The following DIAPH2 variants were observed in gnomAD, a reference collection of about 807,000 sequenced individuals.
The protein encoded by DIAPH2 is protein diaphanous homolog 2.
Under a neutral mutation model 92.7 loss-of-function variants are expected in DIAPH2, and 35 were observed. The observed-to-expected ratio is 0.38, with a 90% CI of 0.29 to 0.50. The LOEUF is 0.50. Ranked by LOEUF, DIAPH2 falls within the 20% of genes least tolerant of loss-of-function variation. The pLI, the probability that DIAPH2 is intolerant of heterozygous loss-of-function variation, is 0.94. For missense variants in DIAPH2, 701 were observed against 819.5 expected (o/e 0.86, Z 1.77); for synonymous variants, 301 against 280.4 (o/e 1.07, Z -0.73).
intron 26 of DIAPH2, among the ~76,000 whole-genome samples, chrX:97,554,275 G>A (rs147810140): frequency 9.0e-6 from 1 of 111,712 alleles, no homozygotes; most frequent in Non-Finnish European, 1.9e-5. Context: ...GGGAATTTTT[G>A]CATAGAAATC....
intron 17 of DIAPH2, among the ~76,000 whole-genome samples, chrX:97,069,556 C>T (rs1266550720): frequency 9.0e-6 from 1 of 111,209 alleles, no homozygotes; most frequent in South Asian, 3.8e-4. Flanking sequence ...TATGACCATG[C>T]AGTATGAGTA....
chrX:97,597,800 A>G (rs1028926421), intron 26 of DIAPH2, among the ~76,000 whole-genome samples: 3 of 112,068 alleles, frequency 2.7e-5, no homozygotes, highest in East Asian at 5.6e-4. Flanking sequence ...CTCAAACTAA[A>G]TAATGGATTT....
At chrX:97,435,846 T>G (rs1044871029) in intron 26 of DIAPH2, among the ~76,000 whole-genome samples, 10 of 104,548 alleles carry the variant, frequency 9.6e-5, no homozygotes, top group Non-Finnish European at 1.8e-4. Flanking sequence ...CTCACTCTGT[T>G]GCCCAGGCTG....
intron 23 of DIAPH2, among the ~76,000 whole-genome samples, chrX:97,287,292 G>A (rs1479350446): frequency 9.2e-6 from 1 of 108,484 alleles, no homozygotes; most frequent in African/African-American, 3.4e-5. Flanking sequence ...GCAACAGAGT[G>A]AAACTCCGTC....
intron 4 of DIAPH2, among the ~76,000 whole-genome samples, chrX:96,766,778 G>A (rs1254879225): frequency 8.9e-6 from 1 of 112,177 alleles, no homozygotes; most frequent in Non-Finnish European, 1.9e-5. Flanking sequence ...CCTGTTTTGC[G>A]TTTGTCTAAC....
At chrX:97,591,993 A>G (rs1269273083) in intron 26 of DIAPH2, among the ~76,000 whole-genome samples, 1 of 112,207 alleles carries the variant, frequency 8.9e-6, no homozygotes, top group Non-Finnish European at 1.9e-5. Context: ...TTTCTTAACC[A>G]TACTTTTCTA....
At chrX:96,772,962 C>T (rs1413902570) in intron 4 of DIAPH2, among the ~76,000 whole-genome samples, 1 of 112,210 alleles carries the variant, frequency 8.9e-6, no homozygotes, top group Non-Finnish European at 1.9e-5. Flanking sequence ...TGCTTATCCA[C>T]TCAAAGAGCT....
chrX:97,033,297 A>G (rs1177576348), intron 17 of DIAPH2, among the ~76,000 whole-genome samples: 1 of 111,854 alleles, frequency 8.9e-6, no homozygotes, highest in Admixed American at 9.5e-5. Flanking sequence ...AAATATTTGA[A>G]ATCCTCACAT....
At chrX:97,188,646 TG>T (rs2067626923) in intron 22 of DIAPH2, among the ~76,000 whole-genome samples, 1 of 112,494 alleles carries the variant, frequency 8.9e-6, no homozygotes, top group Non-Finnish European at 1.9e-5. Flanking sequence ...GGAATGAATT[TG>T]AGTTCTTTGC....
intron 21 of DIAPH2, among the ~76,000 whole-genome samples, chrX:97,134,036 C>T: frequency 8.9e-6 from 1 of 112,237 alleles, no homozygotes; most frequent in South Asian, 3.8e-4. Flanking sequence ...GAATAATCTG[C>T]TAGGTTATCT....
intron 25 of DIAPH2, among the ~76,000 whole-genome samples, chrX:97,388,785 A>C (rs2069625540): frequency 8.9e-6 from 1 of 111,857 alleles, no homozygotes; most frequent in Non-Finnish European, 1.9e-5. Flanking sequence ...CGATTGATTC[A>C]ATTAAAATAA....
At chrX:97,464,485 G>A (rs2070492424) in intron 26 of DIAPH2, among the ~76,000 whole-genome samples, 1 of 110,039 alleles carries the variant, frequency 9.1e-6, no homozygotes. Flanking sequence ...GATACAGTAT[G>A]TTGCTTACTT....
chrX:97,320,842 A>G (rs2068887738), intron 23 of DIAPH2, among the ~76,000 whole-genome samples: 1 of 112,099 alleles, frequency 8.9e-6, no homozygotes, highest in Admixed American at 9.6e-5. Flanking sequence ...CAAATGAAAG[A>G]TCTTTTATTT....
intron 24 of DIAPH2, among the ~76,000 whole-genome samples, chrX:97,358,722 T>C (rs933127567): frequency 1.5e-4 from 17 of 110,850 alleles, no homozygotes; most frequent in Admixed American, 1.9e-4. Context: ...CAATCATGCA[T>C]GTAAATTGTA....
At chrX:97,197,549 G>A (rs1704887377) in intron 22 of DIAPH2, among the ~76,000 whole-genome samples, 1 of 111,752 alleles carries the variant, frequency 8.9e-6, no homozygotes, top group South Asian at 3.7e-4. Context: ...TCTAACAATC[G>A]ATCACATATG....
chrX:97,130,326 T>C (rs1240713581), intron 21 of DIAPH2, among the ~76,000 whole-genome samples: 2 of 112,061 alleles, frequency 1.8e-5, no homozygotes, highest in African/African-American at 3.2e-5. Flanking sequence ...GCATTATTCA[T>C]AGTAGCCAAA....
chrX:96,841,962 C>T (rs1444774058), intron 4 of DIAPH2, among the ~76,000 whole-genome samples: 1 of 111,124 alleles, frequency 9.0e-6, no homozygotes, highest in East Asian at 2.8e-4. Flanking sequence ...TCACAAGGTG[C>T]TCAGTGGGGG....
chrX:97,562,116 T>A (rs370308443), intron 26 of DIAPH2, among the ~76,000 whole-genome samples: 3 of 111,488 alleles, frequency 2.7e-5, no homozygotes, highest in South Asian at 7.7e-4. Flanking sequence ...TTACAATATC[T>A]TATTTGAACC....
intron 22 of DIAPH2, among the ~76,000 whole-genome samples, chrX:97,142,042 A>G (rs1569311330): frequency 8.9e-6 from 1 of 111,759 alleles, no homozygotes; most frequent in Non-Finnish European, 1.9e-5. Flanking sequence ...ATCAGATAAT[A>G]TGTTTGTACT....
Sources: gnomAD v4.1 joint callset for allele counts (sites outside exome capture counted in the v4.1 genomes callset) on GRCh38, gnomAD v4.1.1 for gene constraint, MANE v1.5 for transcripts, NCBI Gene and HGNC (gene_info 2026-07-23, HGNC 2026-07-21) for gene names.